The following PLXNA2 variants were observed in gnomAD, a reference collection of about 807,000 sequenced individuals.
The protein encoded by PLXNA2 is plexin-A2.
A neutral mutation model predicts 193.5 loss-of-function variants in PLXNA2; 91 were observed. The ratio of observed to expected loss-of-function variants is 0.47; its 90% CI spans 0.40 to 0.56. The LOEUF is 0.56. Among genes scored for constraint, PLXNA2 ranks in the 20% least tolerant of loss-of-function variants. PLXNA2 has a pLI of 0.00. For synonymous variants in PLXNA2, 997 were observed against 1,027.3 expected (o/e 0.97, Z 0.56); for missense variants, 1,995 against 2,503.2 (o/e 0.80, Z 4.33).
At chr1:208,053,644 C>T (rs935043270) in intron 14 of PLXNA2, among the ~76,000 whole-genome samples, 1 of 152,164 alleles carries the variant, frequency 6.6e-6, no homozygotes, top group Non-Finnish European at 1.5e-5. Flanking sequence ...AGTGTTAATG[C>T]CTTTTAATGA....
intron 12 of PLXNA2, among the ~76,000 whole-genome samples, chr1:208,063,881 C>T (rs752525): frequency 0.48 from 73,256 of 151,998 alleles, 18,331 homozygotes; most frequent in Non-Finnish European, 0.55. Flanking sequence ...ATAAGGTTGG[C>T]GCAGGCCCCT....
intron 3 of PLXNA2, among the ~76,000 whole-genome samples, chr1:208,159,460 G>A (rs1408264291): frequency 6.6e-6 from 1 of 152,184 alleles, no homozygotes; most frequent in African/African-American, 2.4e-5. Flanking sequence ...CAGGAAGACG[G>A]CTGCCCCTGC....
chr1:208,196,494 G>A (rs1382212723), intron 3 of PLXNA2, among the ~76,000 whole-genome samples: 1 of 152,168 alleles, frequency 6.6e-6, no homozygotes, highest in Non-Finnish European at 1.5e-5. Flanking sequence ...TGCAAATCCT[G>A]TGTTCAAGTA....
Position 208,051,271 on chromosome 1 carries a change from T to C in PLXNA2, c.3146A>G (p.Glu1049Gly), listed in dbSNP as rs1416011581. 3.1e-6 allele frequency: 5 copies of C among 1,610,578 alleles called. No individual in the cohort carries two copies. The highest frequency in any genetic ancestry group is 4.2e-6 in the Non-Finnish European group (5 of 1,177,836). ...TCCACCTCACCTGGCAATGCTCCAC[T>C]CTGGCTCGATGCGCTGGACCCGAGG... ...DDPRVQRIEP[E>G]WSIASGHTPL... is the part of the protein sequence containing the mutation. The change falls in exon 16 of 32, where the codon GAG becomes GGG. Residue 1049 changes from glutamate (E) to glycine (G), a missense_variant. By Grantham distance (98) the Glu-to-Gly change is moderately conservative. This residue lies in a region of PLXNA2 where 1,291 missense variants were observed against 1,673.6 expected (regional missense o/e 0.77). Coordinates refer to ENST00000367033, the MANE Select transcript of PLXNA2 (RefSeq NM_025179.4).
chr1:208,110,327 A>G (rs775984154), intron 4 of PLXNA2, among the ~76,000 whole-genome samples: 7 of 152,200 alleles, frequency 4.6e-5, no homozygotes, highest in Non-Finnish European at 1.0e-4. Flanking sequence ...GCAACACCTT[A>G]ATCTCAATCT....
intron 3 of PLXNA2, among the ~76,000 whole-genome samples, chr1:208,153,461 C>A (rs1319103289): frequency 6.6e-6 from 1 of 152,174 alleles, no homozygotes; most frequent in Admixed American, 6.5e-5. Context: ...TTGTTCCATG[C>A]CATCCCAACC....
chr1:208,200,780 AT>A (rs1670525952), intron 3 of PLXNA2, among the ~76,000 whole-genome samples: 1 of 147,640 alleles, frequency 6.8e-6, no homozygotes, highest in South Asian at 2.1e-4. Flanking sequence ...TTTTTTTTGT[AT>A]TTTTAGTAGA....
In PLXNA2 at chr1:208,215,820, T is replaced by C. The variant is rs536353173; in HGVS notation, c.1188+915A>G. Among the ~76,000 whole-genome samples, 461 of 152,298 alleles carry C rather than the reference T, an allele frequency of 3.0e-3. 4 individuals carry two copies. The highest frequency in any genetic ancestry group is 6.0e-3 in the Admixed American group (92 of 15,302). On this transcript the variant is annotated intron_variant, in intron 2 of 31. Coordinates refer to ENST00000367033, the MANE Select transcript of PLXNA2 (RefSeq NM_025179.4). ...GAAGAAGAGTGGATCATGAATACTT[T>C]GATGGCAGCACCATGAGCCGCTGAC...
Position 208,217,895 on chromosome 1 carries a change from C to A in PLXNA2, c.28G>T (p.Ala10Ser). The change falls in exon 2 of 32, where the codon GCC becomes TCC. Residue 10 changes from alanine to serine, a missense_variant. Physicochemically the swap from Ala to Ser is moderately conservative, Grantham distance 99. Around this residue, in one of 3 missense-constraint regions of PLXNA2, gnomAD observed 702 missense variants for 812.9 expected, o/e 0.86. Transcript: ENST00000367033. This position sits in a 1 kb window ranked among gnomAD's most constrained non-coding sequence, Gnocchi z 4.7. MEQRRPWPRALEVDSRSVVL... is the reference protein window; with the variant it reads MEQRRPWPRSLEVDSRSVVL... ...ACAGAGCGGCTGTCCACCTCCAGGG[C>A]CCGGGGCCAGGGCCGCCTCTGTTCC... 1 of 1,611,546 alleles carries A rather than the reference C, an allele frequency of 6.2e-7. No individual in the cohort carries two copies. Among genetic ancestry groups the A allele is most frequent in the Non-Finnish European group, 8.5e-7 (1 of 1,179,850 alleles).
intron 11 of PLXNA2, among the ~76,000 whole-genome samples, chr1:208,081,432 T>C (rs1666339495): frequency 6.6e-6 from 1 of 152,136 alleles, no homozygotes; most frequent in African/African-American, 2.4e-5. Context: ...ACTTGAAGTG[T>C]GGCAAGGCTT....
chr1:208,049,010 C>T (rs575213953), intron 17 of PLXNA2, among the ~76,000 whole-genome samples: 5 of 152,332 alleles, frequency 3.3e-5, no homozygotes, highest in Middle Eastern at 6.8e-3. Flanking sequence ...CACCAAACAT[C>T]TAGGGACAGC....
chr1:208,067,677 T>C (rs541737924), intron 12 of PLXNA2, among the ~76,000 whole-genome samples: 2 of 152,242 alleles, frequency 1.3e-5, no homozygotes, highest in African/African-American at 4.8e-5. Flanking sequence ...ACCAGTCACA[T>C]GCAGTACAGG....
intron 3 of PLXNA2, among the ~76,000 whole-genome samples, chr1:208,167,415 T>C (rs1669344472): frequency 6.6e-6 from 1 of 152,234 alleles, no homozygotes; most frequent in Admixed American, 6.5e-5. Context: ...ATATGCTCAG[T>C]GCACACTATA....
chr1:208,230,288 G>C (rs1671647581), intron 1 of PLXNA2: 1 of 152,244 alleles, frequency 6.6e-6, no homozygotes, highest in African/African-American at 2.4e-5. Flanking sequence ...CCCAGACCCA[G>C]TCCTCTCGGA....
chr1:208,159,340 G>T (rs572021073), intron 3 of PLXNA2, among the ~76,000 whole-genome samples: 1 of 152,174 alleles, frequency 6.6e-6, no homozygotes, highest in Non-Finnish European at 1.5e-5. Context: ...ATCATCCTGT[G>T]GGGGGAAGTA....
chr1:208,142,984 T>C (rs1668500415), intron 3 of PLXNA2, among the ~76,000 whole-genome samples: 3 of 152,156 alleles, frequency 2.0e-5, no homozygotes, highest in African/African-American at 7.2e-5. Flanking sequence ...CCCAAACATA[T>C]GCCCTGACTG....
rs982165390 is a variant in PLXNA2 at position 208,038,518 on chromosome 1, G to A, written c.4661-44C>T. The A allele has an allele frequency of 6.8e-6, 10 of 1,464,752 alleles. No homozygotes were observed. The East Asian group carries it at 2.0e-4, about 30-fold the overall frequency. The allele number at this position is 1,464,752 out of a possible 1,614,324, so 90.7% of individuals were successfully genotyped here. A position where few individuals can be genotyped will look rare whatever the true frequency, so the allele number is the denominator to read the frequency against. The stretch of plus-strand genomic sequence containing the variant: ...GCAGGGAGCGGCGTGAGAGGGATGA[G>A]GGCTGTGAGCCAGTGTCTCCCGATT... On this transcript the variant is annotated intron_variant, in intron 25 of 31. Coordinates refer to ENST00000367033, the MANE Select transcript of PLXNA2 (RefSeq NM_025179.4). The surrounding 1 kb of genome is among the most constrained non-coding windows in gnomAD (Gnocchi z 4.1).
chr1:208,216,398 T>C (rs1420161850), intron 2 of PLXNA2, among the ~76,000 whole-genome samples: 2 of 152,198 alleles, frequency 1.3e-5, no homozygotes, highest in African/African-American at 4.8e-5. Context: ...ATGTGTTCAT[T>C]TGTCTCACCC....
At chr1:208,096,468 T>C (rs1666892099) in intron 7 of PLXNA2, among the ~76,000 whole-genome samples, 1 of 152,160 alleles carries the variant, frequency 6.6e-6, no homozygotes, top group Non-Finnish European at 1.5e-5. Flanking sequence ...AAACTACTGA[T>C]GGAAGCCACT....
Sources: allele counts gnomAD v4.1 joint callset (sites outside exome capture counted in the v4.1 genomes callset), GRCh38; gene constraint gnomAD v4.1.1; regional missense constraint gnomAD v4.1.1; non-coding constraint Gnocchi (gnomAD v3.1); transcripts MANE v1.5; gene names NCBI Gene and HGNC (gene_info 2026-07-23, HGNC 2026-07-21).